The following ZBTB20 variants were observed in gnomAD, a reference collection of about 807,000 sequenced individuals.
ZBTB20 encodes the protein zinc finger and BTB domain-containing protein 20.
Under a neutral mutation model 56.9 loss-of-function variants are expected in ZBTB20, and 9 were observed. The ratio of observed to expected loss-of-function variants is 0.16; its 90% CI spans 0.10 to 0.28. The LOEUF is 0.28. Ranked by LOEUF, ZBTB20 falls within the 10% of genes least tolerant of loss-of-function variation. The pLI is 1.00. For synonymous variants in ZBTB20, 417 were observed against 420.7 expected (o/e 0.99, Z 0.11); for missense variants, 655 against 1,003.0 (o/e 0.65, Z 4.69).
chr3:114,874,072 C>T (rs1013087827), intron 4 of ZBTB20: 1 of 152,148 alleles, frequency 6.6e-6, no homozygotes, highest in Non-Finnish European at 1.5e-5. Context: ...TCAAGATCCA[C>T]TTCAGTTTGT....
intron 5 of ZBTB20, among the ~76,000 whole-genome samples, chr3:114,746,785 T>C (rs1407953397): frequency 6.6e-6 from 1 of 152,212 alleles, no homozygotes; most frequent in Non-Finnish European, 1.5e-5. Flanking sequence ...TGTGGTATGA[T>C]TGGGATTATA....
At chr3:114,903,962 T>C (rs1378050837) in intron 3 of ZBTB20, among the ~76,000 whole-genome samples, 4 of 152,020 alleles carry the variant, frequency 2.6e-5, no homozygotes, top group Non-Finnish European at 4.4e-5. Flanking sequence ...GTTCTAGTCC[T>C]TATTTGTGTT....
At chr3:115,142,356 T>C (rs1416954746) in intron 1 of ZBTB20, among the ~76,000 whole-genome samples, 1 of 152,162 alleles carries the variant, frequency 6.6e-6, no homozygotes, top group East Asian at 1.9e-4. Context: ...TCTTCCATTT[T>C]GCTCTTTAAA....
intron 7 of ZBTB20, among the ~76,000 whole-genome samples, chr3:114,451,419 T>C (rs1312877625): frequency 6.6e-6 from 1 of 152,050 alleles, no homozygotes; most frequent in Non-Finnish European, 1.5e-5. Context: ...ATCTCCAGCC[T>C]CATGTGTTAA....
At chr3:114,436,844 C>T (rs1256129660) in intron 7 of ZBTB20, among the ~76,000 whole-genome samples, 1 of 151,974 alleles carries the variant, frequency 6.6e-6, no homozygotes, top group African/African-American at 2.4e-5. Flanking sequence ...GACTTCAACC[C>T]TTAAAAAACA....
chr3:114,352,095 G>A (rs2080731111), intron 10 of ZBTB20: 1 of 597,982 alleles, frequency 1.7e-6, no homozygotes, highest in Non-Finnish European at 2.8e-6. Flanking sequence ...CCGGCCTTTA[G>A]TGCCGCAGCC....
intron 7 of ZBTB20, among the ~76,000 whole-genome samples, chr3:114,428,434 T>C (rs2089872553): frequency 6.6e-6 from 1 of 152,150 alleles, no homozygotes. Flanking sequence ...CAGGCCTCAT[T>C]TGCACCAAAG....
intron 1 of ZBTB20, among the ~76,000 whole-genome samples, chr3:115,143,373 A>G (rs934182799): frequency 2.0e-5 from 3 of 152,186 alleles, no homozygotes; most frequent in Non-Finnish European, 4.4e-5. Flanking sequence ...TCTTGATAAA[A>G]TCACAACTGA....
intron 7 of ZBTB20, among the ~76,000 whole-genome samples, chr3:114,420,276 A>G (rs1019472679): frequency 5.3e-5 from 8 of 152,154 alleles, no homozygotes; most frequent in African/African-American, 1.9e-4. Context: ...AATACAGCCA[A>G]TTTCCTACTT....
intron 5 of ZBTB20, among the ~76,000 whole-genome samples, chr3:114,777,004 T>A (rs891562709): frequency 2.6e-4 from 40 of 152,218 alleles, no homozygotes; most frequent in African/African-American, 8.9e-4. Flanking sequence ...TACCAGCCAT[T>A]TTCCCCCTAA....
intron 5 of ZBTB20, among the ~76,000 whole-genome samples, chr3:114,751,842 A>G (rs962104068): frequency 1.3e-5 from 2 of 152,140 alleles, no homozygotes; most frequent in African/African-American, 4.8e-5. Flanking sequence ...TCATCTATAA[A>G]ATCCAGATTC....
At chr3:114,888,255 C>T (rs947627455) in intron 4 of ZBTB20, among the ~76,000 whole-genome samples, 1 of 148,884 alleles carries the variant, frequency 6.7e-6, no homozygotes, top group Non-Finnish European at 1.5e-5. Flanking sequence ...CCCATTTCTA[C>T]AAAAAAAAAA....
At chr3:114,384,340 A>G (rs1406286680) in intron 8 of ZBTB20, among the ~76,000 whole-genome samples, 1 of 152,182 alleles carries the variant, frequency 6.6e-6, no homozygotes, top group Non-Finnish European at 1.5e-5. Flanking sequence ...TAAGAATAAG[A>G]AAAGGGCAGA....
chr3:114,930,400 T>A (rs1287818272), intron 3 of ZBTB20: 1 of 152,304 alleles, frequency 6.6e-6, no homozygotes, highest in Non-Finnish European at 1.5e-5. Flanking sequence ...TGTTTTATTA[T>A]TTAATTGAAA....
chr3:114,454,283 A>C (rs764128575), intron 7 of ZBTB20, among the ~76,000 whole-genome samples: 4 of 151,554 alleles, frequency 2.6e-5, no homozygotes, highest in Admixed American at 6.6e-5. Context: ...CTGGCGGTCA[A>C]GCGTTAAGTA....
intron 6 of ZBTB20, among the ~76,000 whole-genome samples, chr3:114,648,368 T>C (rs2059958523): frequency 6.6e-6 from 1 of 151,964 alleles, no homozygotes; most frequent in African/African-American, 2.4e-5. Flanking sequence ...ATTTCAAAGA[T>C]TTAATGAGCT....
At chr3:114,442,580 T>C (rs1293212527) in intron 7 of ZBTB20, among the ~76,000 whole-genome samples, 1 of 152,184 alleles carries the variant, frequency 6.6e-6, no homozygotes, top group African/African-American at 2.4e-5. Context: ...TCAGTTCTAC[T>C]AAATGTGACC....
At chr3:114,429,193 C>A (rs76337674) in intron 7 of ZBTB20, among the ~76,000 whole-genome samples, 1,791 of 152,146 alleles carry the variant, frequency 0.012, 39 homozygotes, top group African/African-American at 0.041. Context: ...TAAAAAAGTA[C>A]GATTAGACAT....
At chr3:115,063,596 T>G (rs1383305719) in intron 2 of ZBTB20, among the ~76,000 whole-genome samples, 1 of 152,034 alleles carries the variant, frequency 6.6e-6, no homozygotes, top group Non-Finnish European at 1.5e-5. Context: ...ATTCAGCTCA[T>G]AGCATTTAGA....
Sources: gnomAD v4.1 joint callset for allele counts (sites outside exome capture counted in the v4.1 genomes callset) on GRCh38, gnomAD v4.1.1 for gene constraint, MANE v1.5 for transcripts, NCBI Gene and HGNC (gene_info 2026-07-23, HGNC 2026-07-21) for gene names.